The following NTN1 variants were observed in gnomAD, a reference collection of about 807,000 sequenced individuals.
The protein encoded by NTN1 is netrin 1.
A neutral mutation model predicts 54.2 loss-of-function variants in NTN1; 11 were observed. The observed-to-expected ratio is 0.20, with a 90% confidence interval of 0.13 to 0.34. NTN1 has a LOEUF of 0.34. Among genes scored for constraint, NTN1 ranks in the 10% least tolerant of loss-of-function variants. The pLI is 1.00. For missense variants in NTN1, 740 were observed against 893.1 expected, an observed-to-expected ratio of 0.83 and a Z score of 2.18; for synonymous variants, 371 against 382.0, an observed-to-expected ratio of 0.97 and a Z score of 0.33.
In NTN1 at chr17:9,048,251, C is replaced by G. The variant is rs542951555; in HGVS notation, c.1018+24860C>G. ...AAACAACATTCATCTCCTTGGACGT[C>G]TCCATCAGAGCTCTTGGGTGATGAG... On this transcript the variant is annotated intron_variant, in intron 2 of 6. Transcript: ENST00000173229. 2.6e-5 allele frequency among the ~76,000 whole-genome samples: 4 copies of G among 152,158 alleles called. No individual in the cohort carries two copies. In the South Asian group the frequency reaches 8.3e-4, roughly 32 times the overall value.
intron 3 of NTN1, chr17:9,175,869 T>A (rs2092398612): frequency 6.6e-6 from 1 of 151,942 alleles, no homozygotes; most frequent in Non-Finnish European, 1.5e-5. Flanking sequence ...ATGGAAAAAA[T>A]CCCCGGGTTG....
chr17:9,172,344 G>A (rs935827891), intron 3 of NTN1, among the ~76,000 whole-genome samples: 1 of 152,128 alleles, frequency 6.6e-6, no homozygotes, highest in African/African-American at 2.4e-5. Context: ...GCTGGGCGTG[G>A]TGGTGGGTGC....
chr17:9,007,434 CCCTT>C, the NTN1 span, among the ~76,000 whole-genome samples: 2 of 142,912 alleles, frequency 1.4e-5, no homozygotes, highest in East Asian at 2.0e-4. Flanking sequence ...TTTCTTTCTT[CCCTT>C]CCTTCCTTTC....
chr17:9,006,183 G>A, the NTN1 span, among the ~76,000 whole-genome samples: 1 of 150,398 alleles, frequency 6.6e-6, no homozygotes, highest in African/African-American at 2.5e-5. Flanking sequence ...CGGGGGTGGT[G>A]GGTAGTGGGG....
chr17:9,070,933 G>A (rs1388230353), intron 2 of NTN1, among the ~76,000 whole-genome samples: 2 of 151,818 alleles, frequency 1.3e-5, no homozygotes, highest in Admixed American at 6.6e-5. Flanking sequence ...GTGGAGCAAA[G>A]TCATCATTTG....
chr17:9,101,171 C>G (rs982958031), intron 2 of NTN1, among the ~76,000 whole-genome samples: 3 of 152,174 alleles, frequency 2.0e-5, no homozygotes, highest in African/African-American at 7.2e-5. Flanking sequence ...AGGGCTAGAC[C>G]CATCTTCCAT....
intron 2 of NTN1, among the ~76,000 whole-genome samples, chr17:9,095,925 G>A (rs903670116): frequency 2.2e-4 from 33 of 151,914 alleles, no homozygotes; most frequent in African/African-American, 7.5e-4. Context: ...TCAGCCTCCC[G>A]AGTAGCTGGG....
At chr17:9,201,514 C>G (rs773696087) in intron 5 of NTN1, among the ~76,000 whole-genome samples, 1 of 152,308 alleles carries the variant, frequency 6.6e-6, no homozygotes, top group Non-Finnish European at 1.5e-5. Flanking sequence ...GCGACTGTTC[C>G]CCAGCTCTAG....
At chr17:9,148,733 T>A (rs1327585759) in intron 2 of NTN1, among the ~76,000 whole-genome samples, 1 of 151,866 alleles carries the variant, frequency 6.6e-6, no homozygotes, top group Non-Finnish European at 1.5e-5. Context: ...GCGTGCAGAT[T>A]GGGACCCTGG....
chr17:9,004,972 A>G, the NTN1 span, among the ~76,000 whole-genome samples: 1 of 152,144 alleles, frequency 6.6e-6, no homozygotes, highest in Non-Finnish European at 1.5e-5. Flanking sequence ...AGTGGAAGTC[A>G]TCCCTCCCCT....
At position 9,227,854 on chromosome 17, in the gene NTN1, GCACACCCCATCA is replaced by G. The variant is rs576208854; in HGVS notation, c.1486+6630_1486+6641del. On this transcript the variant is annotated intron_variant, in intron 6 of 6. Coordinates refer to ENST00000173229, the MANE Select transcript of NTN1 (RefSeq NM_004822.3). ...ATACCACACGCATTATCGCACACAT[GCACACCCCATCA>G]CACACCCCATCACACACACACCCCA... Among the ~76,000 whole-genome samples, 361 of 146,806 alleles carry G rather than the reference GCACACCCCATCA, an allele frequency of 2.5e-3. 2 individuals carry two copies. The Middle Eastern group carries it at 0.032, about 13-fold the overall frequency.
intron 5 of NTN1, among the ~76,000 whole-genome samples, chr17:9,191,226 C>T (rs1000092261): frequency 6.6e-6 from 1 of 152,086 alleles, no homozygotes; most frequent in Non-Finnish European, 1.5e-5. Context: ...TTTGGGAGGC[C>T]GAGGCAGGCG....
rs1177182414 is a variant in NTN1, at chr17:9,196,263, G to C, written c.1411+13294G>C. Among the ~76,000 whole-genome samples, 4 of 152,186 alleles carry C rather than the reference G, an allele frequency of 2.6e-5. No individual in the cohort carries two copies. The East Asian group carries it at 7.7e-4, about 29-fold the overall frequency. ...AATTGTGGGGAATTTGCACCAAGGA[G>C]GGTGCTCAACCCTAGGGTAGGAAAG... On this transcript the variant is annotated intron_variant, in intron 5 of 6. Coordinates refer to ENST00000173229, the MANE Select transcript of NTN1 (RefSeq NM_004822.3).
At chr17:9,144,943 C>A (rs187861561) in intron 2 of NTN1, among the ~76,000 whole-genome samples, 160 of 152,336 alleles carry the variant, frequency 1.1e-3, no homozygotes, top group Middle Eastern at 3.4e-3. Context: ...GAGGCAGACA[C>A]ACCGGTCTGT....
chr17:9,061,946 G>A (rs1597474091), intron 2 of NTN1, among the ~76,000 whole-genome samples: 1 of 151,940 alleles, frequency 6.6e-6, no homozygotes, highest in Admixed American at 6.6e-5. Flanking sequence ...CTCGTGATGC[G>A]CCTGCCTCGG....
intron 2 of NTN1, among the ~76,000 whole-genome samples, chr17:9,059,510 T>C (rs2091989499): frequency 2.0e-5 from 3 of 152,148 alleles, no homozygotes; most frequent in African/African-American, 7.2e-5. Context: ...GTACAACTTA[T>C]ATATGCTACA....
intron 2 of NTN1, among the ~76,000 whole-genome samples, chr17:9,152,267 G>C (rs1177734905): frequency 6.6e-6 from 1 of 152,148 alleles, no homozygotes; most frequent in Admixed American, 6.5e-5. Flanking sequence ...ACACACTATT[G>C]CTCACTGCCC....
intron 2 of NTN1, among the ~76,000 whole-genome samples, chr17:9,162,469 C>G (rs1293009891): frequency 6.6e-6 from 1 of 152,208 alleles, no homozygotes; most frequent in African/African-American, 2.4e-5. Context: ...GTGTCCTCAT[C>G]TCCTCTTCCT....
intron 2 of NTN1, among the ~76,000 whole-genome samples, chr17:9,035,137 G>C (rs532108313): frequency 2.4e-4 from 36 of 152,132 alleles, no homozygotes; most frequent in Non-Finnish European, 4.1e-4. Context: ...TAGTAGAGAC[G>C]GGGTTTCACT....
Sources: allele counts gnomAD v4.1 joint callset (sites outside exome capture counted in the v4.1 genomes callset), GRCh38; gene constraint gnomAD v4.1.1; transcripts MANE v1.5; gene names NCBI Gene and HGNC (gene_info 2026-07-23, HGNC 2026-07-21).